The following FAM169A variants were observed in gnomAD, a reference collection of about 807,000 sequenced individuals.
FAM169A encodes the protein soluble lamin-associated protein of 75 kDa.
A neutral mutation model predicts 75.7 loss-of-function variants in FAM169A; 24 were observed. That is an observed-to-expected ratio of 0.32 (90% CI 0.23 to 0.45). FAM169A has a LOEUF of 0.45. Among genes scored for constraint, FAM169A ranks in the 20% least tolerant of loss-of-function variants. The pLI is 1.00. For synonymous variants in FAM169A, 271 were observed against 271.0 expected (o/e 1.00, Z 0.00); for missense variants, 673 against 784.0 (o/e 0.86, Z 1.69).
intron 9 of FAM169A, 72 bp downstream of exon 9, chr5:74,801,518 T>G (rs1746575282): frequency 1.8e-6 from 2 of 1,122,928 alleles, no homozygotes. Context: ...CACACATGCA[T>G]GCACACACAC....
chr5:74,814,004 G>A lies in FAM169A; in HGVS notation c.506C>T (p.Ser169Phe). 1.3e-6 allele frequency: 2 copies of A among 1,578,766 alleles called. No individual in the cohort carries two copies. Among genetic ancestry groups the A allele is most frequent in the Middle Eastern group, 1.7e-4 (1 of 5,918 alleles). The change falls in exon 6 of 13, where the codon TCT becomes TTT. Residue 169 changes from serine (S) to phenylalanine (F), a missense_variant. Around this residue, in one of 3 missense-constraint regions of FAM169A, gnomAD observed 107 missense variants for 180.8 expected, o/e 0.59. Transcript: ENST00000687041. ...CAATTGGTAACTTTGGGTAAGAAAAGAGGCACATATGCTTCCTGCAGTAAT... is the reference window on the plus strand; with the variant it reads ...CAATTGGTAACTTTGGGTAAGAAAAAAGGCACATATGCTTCCTGCAGTAAT... ...SVKPTGSICA[S>F]FLTQSYQLPV... is the part of the protein sequence containing the mutation.
At chr5:74,799,127 C>G (rs1746431874) in intron 10 of FAM169A, 2 of 1,001,222 alleles carry the variant, frequency 2.0e-6, no homozygotes, top group South Asian at 2.5e-5. Context: ...TGTGTGAAAG[C>G]TCACGAACTC....
rs1748341894 is a variant in FAM169A, at chr5:74,832,087, T to G, written c.490+2339A>C. ...CTTCAACTGCAAAATAAACACTAAT[T>G]TAAAAATTTTTTTTACTTCATTTGA... On this transcript the variant is annotated intron_variant, in intron 5 of 12. Transcript: ENST00000687041. 2.6e-5 allele frequency among the ~76,000 whole-genome samples: 4 copies of G among 152,190 alleles called. No homozygotes were observed. In the South Asian group the frequency reaches 8.3e-4, roughly 32 times the overall value.
At chr5:74,834,255 C>T (rs1278243755) in intron 5 of FAM169A, among the ~76,000 whole-genome samples, 171 bp downstream of exon 5, 1 of 152,180 alleles carries the variant, frequency 6.6e-6, no homozygotes, top group East Asian at 1.9e-4. Flanking sequence ...ACTTTCCCAA[C>T]AATCCTCACT....
At chr5:74,787,886 A>G (rs1745775870) in intron 11 of FAM169A, among the ~76,000 whole-genome samples, 1 of 152,010 alleles carries the variant, frequency 6.6e-6, no homozygotes, top group African/African-American at 2.4e-5. Context: ...GAATTATTAA[A>G]AAAAAGAGAG....
chr5:74,799,314 A>G, intron 10 of FAM169A: 1 of 1,597,178 alleles, frequency 6.3e-7, no homozygotes, highest in Non-Finnish European at 8.6e-7. Context: ...GGTCCGCCCT[A>G]GAGAACAAAT....
intron 4 of FAM169A, among the ~76,000 whole-genome samples, chr5:74,835,460 G>A (rs1201316552): frequency 6.6e-6 from 1 of 151,908 alleles, no homozygotes; most frequent in Non-Finnish European, 1.5e-5. Context: ...ACATTAGCCA[G>A]GTATGGCTGA....
chr5:74,801,911 T>C (rs1331390924), intron 8 of FAM169A, among the ~76,000 whole-genome samples: 1 of 152,218 alleles, frequency 6.6e-6, no homozygotes, highest in Non-Finnish European at 1.5e-5. Flanking sequence ...CCCTTCACTA[T>C]GCTTACTTCA....
intron 8 of FAM169A, among the ~76,000 whole-genome samples, chr5:74,803,488 C>T (rs1746694538): frequency 1.3e-5 from 2 of 152,198 alleles, no homozygotes; most frequent in South Asian, 4.1e-4. Context: ...ACAAATAATT[C>T]CCTAAAGCAG....
chr5:74,866,089 GGCGGGGGC>G, intron 1 of FAM169A, 68 bp downstream of exon 1: 1 of 760,274 alleles, frequency 1.3e-6, no homozygotes, highest in Non-Finnish European at 1.6e-6. Flanking sequence ...GTCTGGTGCT[GGCGGGGGC>G]GCGGGGCCCG....
At chr5:74,809,665 A>T (rs1299367185) in intron 6 of FAM169A, among the ~76,000 whole-genome samples, 1 of 152,168 alleles carries the variant, frequency 6.6e-6, no homozygotes, top group Non-Finnish European at 1.5e-5. Flanking sequence ...AAAAGATGTG[A>T]ACAAACACTT....
intron 1 of FAM169A, among the ~76,000 whole-genome samples, chr5:74,843,170 A>C (rs1438043429): frequency 6.6e-6 from 1 of 152,090 alleles, no homozygotes; most frequent in Non-Finnish European, 1.5e-5. Context: ...CAACAACAGA[A>C]ACAGTACAAA....
At chr5:74,859,118 G>GC (rs1416395918) in intron 1 of FAM169A, among the ~76,000 whole-genome samples, 1 of 151,292 alleles carries the variant, frequency 6.6e-6, no homozygotes, top group Non-Finnish European at 1.5e-5. Context: ...AGAGGCTGAG[G>GC]CAGGAGAATT....
At chr5:74,802,357 C>T (rs527651398) in intron 8 of FAM169A, among the ~76,000 whole-genome samples, 20 of 151,702 alleles carry the variant, frequency 1.3e-4, no homozygotes, top group African/African-American at 4.6e-4. Flanking sequence ...GTGATACTTT[C>T]GAATCACAAA....
intron 1 of FAM169A, 76 bp from the exon 2 acceptor site, chr5:74,841,755 A>T: frequency 7.9e-7 from 1 of 1,269,150 alleles, no homozygotes; most frequent in Non-Finnish European, 1.1e-6. Context: ...AATAAATTTT[A>T]CTACAATGTT....
chr5:74,794,900 A>G (rs1247367028), intron 11 of FAM169A, among the ~76,000 whole-genome samples: 1 of 152,170 alleles, frequency 6.6e-6, no homozygotes, highest in African/African-American at 2.4e-5. Flanking sequence ...GGCTGCAGTG[A>G]GCTGACATAA....
chr5:74,865,240 T>C (rs918122011), intron 1 of FAM169A: 1 of 152,218 alleles, frequency 6.6e-6, no homozygotes, highest in East Asian at 1.9e-4. Flanking sequence ...GTGTCACAGT[T>C]CTGTGAGAAT....
intron 11 of FAM169A, among the ~76,000 whole-genome samples, chr5:74,791,655 G>C (rs1028518588): frequency 3.9e-5 from 6 of 152,148 alleles, no homozygotes; most frequent in Admixed American, 3.9e-4. Context: ...AGATCCCTTG[G>C]GGTGTCTCTT....
Position 74,840,163 on chromosome 5 carries a change from C to T in FAM169A, c.143G>A (p.Ser48Asn). The T allele has an allele frequency of 2.0e-6, 3 of 1,537,794 alleles. No individual in the cohort carries two copies. Among genetic ancestry groups the T allele is most frequent in the Non-Finnish European group, 2.6e-6 (3 of 1,134,124 alleles). ...AGGTACAAAGCCTACATTTGACAGG[C>T]TAATAGGAATCTGAAATGACAAATT... ...FSLLNITIPI[S>N]LSNVGFVPLY... is the part of the protein sequence containing the mutation. Residue 48 changes from serine to asparagine, a missense_variant, in exon 3 of 13, where the codon AGC becomes AAC. Transcript: ENST00000687041.
Sources: gnomAD v4.1 joint callset for allele counts (sites outside exome capture counted in the v4.1 genomes callset) on GRCh38, gnomAD v4.1.1 for gene constraint, gnomAD v4.1.1 regional missense constraint, MANE v1.5 for transcripts, NCBI Gene and HGNC (gene_info 2026-07-23, HGNC 2026-07-21) for gene names.